The following TLE6 variants were observed in gnomAD, a reference collection of about 807,000 sequenced individuals.
The protein encoded by TLE6 is transducin-like enhancer protein 6.
A neutral mutation model predicts 77.1 loss-of-function variants in TLE6; 72 were observed. That is an observed-to-expected ratio of 0.93 (90% CI 0.77 to 1.14). TLE6 has a LOEUF of 1.14. Among genes scored for constraint, TLE6 ranks in the 50% most tolerant of loss-of-function variants. The probability of loss-of-function intolerance (pLI) is 0.00; values close to 1 mark genes in which losing one functional copy is unlikely to be tolerated. For synonymous variants in TLE6, 366 were observed against 287.3 expected, an observed-to-expected ratio of 1.27 and a Z score of -2.77; for missense variants, 843 against 747.6, an observed-to-expected ratio of 1.13 and a Z score of -1.49.
intron 5 of TLE6, among the ~76,000 whole-genome samples, 174 bp from the exon 6 acceptor site, chr19:2,986,655 A>C (rs1448447405): frequency 1.3e-5 from 2 of 152,116 alleles, no homozygotes; most frequent in African/African-American, 4.8e-5. Context: ...CGGAGGTTGC[A>C]GTGAGCCGAG....
At chr19:2,981,076 C>T (rs1043427518) in intron 3 of TLE6, among the ~76,000 whole-genome samples, 4 of 150,202 alleles carry the variant, frequency 2.7e-5, no homozygotes, top group African/African-American at 9.8e-5. Context: ...AAGAAAGTGG[C>T]GGGGCGCGGT....
intron 5 of TLE6, among the ~76,000 whole-genome samples, chr19:2,982,587 G>GAGGGGT (rs1420869710): frequency 6.6e-6 from 1 of 150,742 alleles, no homozygotes; most frequent in Non-Finnish European, 1.5e-5. Flanking sequence ...GACAGAGGAC[G>GAGGGGT]AGGGGTAGGT....
intron 15 of TLE6, 103 bp downstream of exon 15, chr19:2,993,685 G>T (rs925244820): frequency 1.6e-5 from 22 of 1,416,574 alleles, no homozygotes; most frequent in Non-Finnish European, 2.0e-5. Context: ...GGACACCTCA[G>T]AACCCTTCTG....
At chr19:2,982,529 C>G (rs1345488184) in intron 5 of TLE6, among the ~76,000 whole-genome samples, 13 of 125,232 alleles carry the variant, frequency 1.0e-4, no homozygotes, top group African/African-American at 3.8e-4. Context: ...CAGCGAGACT[C>G]TGTCTCAAAA....
chr19:2,991,231 T>C (rs1277822575), intron 13 of TLE6, among the ~76,000 whole-genome samples: 1 of 150,914 alleles, frequency 6.6e-6, no homozygotes, highest in African/African-American at 2.4e-5. Flanking sequence ...TGGTGGCCCA[T>C]GCCTGTAATG....
At chr19:2,978,101 C>A in intron 1 of TLE6, 97 bp from the exon 2 acceptor site, 1 of 881,300 alleles carries the variant, frequency 1.1e-6, no homozygotes, top group Non-Finnish European at 1.8e-6. Flanking sequence ...GGAGACTTAC[C>A]AAACTGGGAG....
chr19:2,994,896 C>T lies in TLE6; in HGVS notation c.1615-4C>T. ...CAGCTCACTGCCCACTGCCCCCCCT[C>T]CAGGTGCCTGAGATGTCTCCAGTCA... On this transcript the variant is annotated splice_region_variant and splice_polypyrimidine_tract_variant and intron_variant, in intron 16 of 16. Coordinates refer to ENST00000246112, the MANE Select transcript of TLE6 (RefSeq NM_001143986.2). The T allele has an allele frequency of 6.3e-7, 1 of 1,586,778 alleles. No individual in the cohort carries two copies. Among genetic ancestry groups the T allele is most frequent in the Non-Finnish European group, 8.6e-7 (1 of 1,164,744 alleles).
intron 14 of TLE6, 90 bp downstream of exon 14, chr19:2,992,074 G>A (rs757319966): frequency 3.3e-5 from 49 of 1,501,246 alleles, no homozygotes; most frequent in African/African-American, 1.2e-4. Flanking sequence ...CGTGGCTCAC[G>A]CCTATAATCC....
chr19:2,993,026 T>TA (rs377287142), intron 14 of TLE6, among the ~76,000 whole-genome samples: 1,519 of 48,338 alleles, frequency 0.031, 125 homozygotes, highest in East Asian at 0.052. Context: ...CCGTCTCTAC[T>TA]AAAAAAAAAA....
chr19:2,986,447 C>G (rs2088912756), intron 5 of TLE6, among the ~76,000 whole-genome samples: 1 of 150,964 alleles, frequency 6.6e-6, no homozygotes, highest in Non-Finnish European at 1.5e-5. Context: ...GGGGTGGTGG[C>G]TTATGCCTAT....
At chr19:2,982,957 G>T (rs1220937944) in intron 5 of TLE6, among the ~76,000 whole-genome samples, 2 of 152,134 alleles carry the variant, frequency 1.3e-5, no homozygotes, top group African/African-American at 4.8e-5. Context: ...CTCTGCATGG[G>T]AGGGGGCGCC....
chr19:2,991,556 C>T (rs1185133401), intron 13 of TLE6, among the ~76,000 whole-genome samples: 1 of 151,204 alleles, frequency 6.6e-6, no homozygotes, highest in African/African-American at 2.4e-5. Flanking sequence ...GAAGGGATTC[C>T]TGTAGACCTG....
chr19:2,988,604 A>G (rs919356954), intron 11 of TLE6, among the ~76,000 whole-genome samples: 1 of 152,108 alleles, frequency 6.6e-6, no homozygotes, highest in Non-Finnish European at 1.5e-5. Flanking sequence ...TCAAAAAAAA[A>G]GTGCAGTGTT....
chr19:2,988,335 G>A (rs1439446897), intron 11 of TLE6, among the ~76,000 whole-genome samples: 3 of 152,028 alleles, frequency 2.0e-5, no homozygotes, highest in Admixed American at 1.3e-4. Flanking sequence ...GGTGGCTCAC[G>A]CCTGTAATCC....
At chr19:2,986,276 C>G (rs2088908312) in intron 5 of TLE6, among the ~76,000 whole-genome samples, 1 of 150,870 alleles carries the variant, frequency 6.6e-6, no homozygotes, top group Admixed American at 6.6e-5. Context: ...ATTAGCTGAG[C>G]GTGGTGGTGC....
chr19:2,979,964 CAA>C (rs58993753), intron 2 of TLE6, 134 bp from the exon 3 acceptor site: 6,576 of 362,426 alleles, frequency 0.018, no homozygotes, highest in East Asian at 0.029. Context: ...ACTCGGTTTC[CAA>C]AAAAAAAAAA....
At chr19:2,992,597 C>T (rs373546493) in intron 14 of TLE6, among the ~76,000 whole-genome samples, 1 of 151,462 alleles carries the variant, frequency 6.6e-6, no homozygotes. Context: ...ATAGTGAGAC[C>T]CTGTTTCTAC....
Position 2,982,198 on chromosome 19 carries a change from C to T in TLE6, c.222+9C>T. ...CAGAACATCACAAGCAGGTGGGTGACCAGGAGCTCAGGGGTGCGGCTGTCC... is the reference window on the plus strand; with the variant it reads ...CAGAACATCACAAGCAGGTGGGTGATCAGGAGCTCAGGGGTGCGGCTGTCC... On this transcript the variant is annotated intron_variant, in intron 5 of 16. Transcript: ENST00000246112. 1 of 1,551,092 alleles carries T rather than the reference C, an allele frequency of 6.4e-7. No individual in the cohort carries two copies. The highest frequency in any genetic ancestry group is 8.7e-7 in the Non-Finnish European group (1 of 1,146,838).
At chr19:2,984,706 G>A (rs544165788) in intron 5 of TLE6, among the ~76,000 whole-genome samples, 96 of 152,108 alleles carry the variant, frequency 6.3e-4, no homozygotes, top group African/African-American at 1.8e-3. Context: ...GACCTCAGGT[G>A]ATCCGCCCGC....
Sources: allele counts gnomAD v4.1 joint callset (sites outside exome capture counted in the v4.1 genomes callset), GRCh38; gene constraint gnomAD v4.1.1; transcripts MANE v1.5; gene names NCBI Gene and HGNC (gene_info 2026-07-23, HGNC 2026-07-21).